The following TMOD3 variants were observed in gnomAD, a reference collection of about 807,000 sequenced individuals.
The protein encoded by TMOD3 is tropomodulin-3.
In TMOD3, 20 loss-of-function variants were observed where a neutral mutation model predicts 39.2. The observed-to-expected ratio is 0.51, with a 90% confidence interval of 0.36 to 0.74. TMOD3 has a LOEUF of 0.74. TMOD3 is among the 30% of genes least tolerant of loss of function. The pLI is 0.00. For missense variants in TMOD3, 381 were observed against 412.8 expected (o/e 0.92, Z 0.67); for synonymous variants, 143 against 145.8 (o/e 0.98, Z 0.14).
rs2056719538 is a variant in TMOD3 at position 51,913,160 on chromosome 15, A to C, written c.*4350A>C. On this transcript the variant is annotated 3_prime_UTR_variant, in exon 10 of 10. Transcript: ENST00000308580. ...GGATAACTTTTTGTATTTTTAATAG[A>C]GACGGGGTTTCACCATGTTGGCCGG... 1.3e-5 allele frequency: 2 copies of C among 151,828 alleles called. No homozygotes were observed. The highest frequency in any genetic ancestry group is 1.3e-4 in the Admixed American group (2 of 15,236). The allele number at this position is 151,828 out of a possible 1,614,324, so 9.4% of individuals were successfully genotyped here.
At chr15:51,891,818 T>C (rs920401636) in intron 5 of TMOD3, among the ~76,000 whole-genome samples, 2 of 152,228 alleles carry the variant, frequency 1.3e-5, no homozygotes, top group African/African-American at 2.4e-5. Flanking sequence ...CTCTGTTGTT[T>C]AGCAGAGCTC....
At position 51,911,701 on chromosome 15, in the gene TMOD3, TA is replaced by T. The variant is rs1451555326; in HGVS notation, c.*2892del. On this transcript the variant is annotated 3_prime_UTR_variant, in exon 10 of 10. Coordinates refer to ENST00000308580, the MANE Select transcript of TMOD3 (RefSeq NM_014547.5). Reference sequence around the variant, plus strand: ...TTATTACCCATTTTATAAAATGTTATACTCATATTTGTCTGAATTTTTCCAG... The same window carrying T: ...TTATTACCCATTTTATAAAATGTTATCTCATATTTGTCTGAATTTTTCCAG... 3.9e-5 allele frequency: 6 copies of T among 152,244 alleles called. No individual in the cohort carries two copies. Among genetic ancestry groups the T allele is most frequent in the Non-Finnish European group, 7.3e-5 (5 of 68,040 alleles). 9.4% of individuals were successfully genotyped at this position (152,244 alleles called of 1,614,324 possible).
chr15:51,833,254 G>T (rs978206748), intron 1 of TMOD3: 1 of 152,220 alleles, frequency 6.6e-6, no homozygotes, highest in Non-Finnish European at 1.5e-5. Flanking sequence ...GAATAGAAGT[G>T]TGAATAAATC....
intron 2 of TMOD3, among the ~76,000 whole-genome samples, chr15:51,866,291 C>T (rs2056445116): frequency 6.6e-6 from 1 of 151,948 alleles, no homozygotes; most frequent in South Asian, 2.1e-4. Context: ...CTTGCCTCGA[C>T]AAAAAATTTT....
At chr15:51,867,770 T>C (rs2056454396) in intron 2 of TMOD3, among the ~76,000 whole-genome samples, 1 of 152,162 alleles carries the variant, frequency 6.6e-6, no homozygotes, top group African/African-American at 2.4e-5. Context: ...TACCCAGAAA[T>C]ATGAGACAAG....
chr15:51,910,349 G>A lies in TMOD3; in HGVS notation c.*1539G>A, dbSNP rs2056703958. 6.6e-6 allele frequency: 1 copy of A among 152,258 alleles called. No individual in the cohort carries two copies. 9.4% of individuals were successfully genotyped at this position (152,258 alleles called of 1,614,324 possible). On this transcript the variant is annotated 3_prime_UTR_variant, in exon 10 of 10. Transcript: ENST00000308580. Reference sequence around the variant, plus strand: ...CAGCACTTTTGGGAAGCCAAAGTGGGTGGATCACTTAAGGTCAGGAGTTCA... The same window carrying A: ...CAGCACTTTTGGGAAGCCAAAGTGGATGGATCACTTAAGGTCAGGAGTTCA...
chr15:51,901,901 T>C lies in TMOD3; in HGVS notation c.889T>C (p.Leu297=), dbSNP rs750092214. 4 of 1,613,640 alleles carry C rather than the reference T, an allele frequency of 2.5e-6. No individual in the cohort carries two copies. Among genetic ancestry groups the C allele is most frequent in the African/African-American group, 2.7e-5 (2 of 74,904 alleles). ...ELKIDNQRQQ[L]GTAVELEMAK... Reference sequence around the variant, plus strand: ...TTTCTAATTACTCCAGAGGCAGCAGTTGGGGACAGCTGTAGAATTGGAAAT... The same window carrying C: ...TTTCTAATTACTCCAGAGGCAGCAGCTGGGGACAGCTGTAGAATTGGAAAT... The change falls in exon 9 of 10, where the codon TTG becomes CTG. Residue 297 remains leucine, a synonymous_variant. Transcript: ENST00000308580.
chr15:51,908,365 G>A (rs1449858667), intron 9 of TMOD3, among the ~76,000 whole-genome samples: 1 of 152,142 alleles, frequency 6.6e-6, no homozygotes, highest in African/African-American at 2.4e-5. Flanking sequence ...CTTGAGCTCA[G>A]GAGTCCAAGA....
At chr15:51,908,213 A>T (rs1281701762) in intron 9 of TMOD3, among the ~76,000 whole-genome samples, 1 of 152,218 alleles carries the variant, frequency 6.6e-6, no homozygotes, top group East Asian at 1.9e-4. Flanking sequence ...CCTGAATGTC[A>T]CTTCAAAATT....
intron 3 of TMOD3, among the ~76,000 whole-genome samples, chr15:51,874,867 A>G (rs1045871451): frequency 6.6e-6 from 1 of 152,102 alleles, no homozygotes; most frequent in Non-Finnish European, 1.5e-5. Context: ...CTCACCCGGT[A>G]TGGGCTCCTC....
chr15:51,847,847 C>A (rs533611496), intron 1 of TMOD3, among the ~76,000 whole-genome samples: 4 of 152,084 alleles, frequency 2.6e-5, no homozygotes, highest in Admixed American at 2.6e-4. Context: ...GTGCTTTGAG[C>A]GTGGTGGGTA....
chr15:51,854,233 C>G (rs567638553), intron 1 of TMOD3, among the ~76,000 whole-genome samples: 36 of 152,340 alleles, frequency 2.4e-4, no homozygotes, highest in Admixed American at 9.8e-4. Flanking sequence ...TGCAATCACT[C>G]AGCTCTGTCA....
At chr15:51,886,220 C>T (rs1029893706) in intron 3 of TMOD3, among the ~76,000 whole-genome samples, 26 of 146,608 alleles carry the variant, frequency 1.8e-4, no homozygotes, top group African/African-American at 5.1e-4. Context: ...ACATCCCAGA[C>T]GATGGGCAGC....
At chr15:51,863,236 T>A (rs1329304887) in intron 2 of TMOD3, among the ~76,000 whole-genome samples, 1 of 152,200 alleles carries the variant, frequency 6.6e-6, no homozygotes, top group Non-Finnish European at 1.5e-5. Flanking sequence ...TTTTCAAACA[T>A]CTCCTGAAAT....
At chr15:51,869,153 C>T (rs1426521743) in intron 2 of TMOD3, 64 bp from the exon 3 acceptor site, 1 of 1,543,846 alleles carries the variant, frequency 6.5e-7, no homozygotes, top group Non-Finnish European at 8.8e-7. Flanking sequence ...TATGGGTAAT[C>T]TTCGGAAGCA....
At chr15:51,859,068 A>G (rs1188105066) in intron 1 of TMOD3, 3 of 470,314 alleles carry the variant, frequency 6.4e-6, no homozygotes, top group Admixed American at 3.3e-5. Flanking sequence ...GTGTCTTGAA[A>G]TCAGACAGCC....
chr15:51,887,943 G>A (rs765623363), intron 4 of TMOD3, among the ~76,000 whole-genome samples: 7 of 152,124 alleles, frequency 4.6e-5, no homozygotes, highest in African/African-American at 1.7e-4. Context: ...TGTATTGTTC[G>A]ACATCTTTTC....
chr15:51,900,047 A>G (rs938689454), intron 7 of TMOD3, 108 bp from the exon 8 acceptor site: 2 of 1,074,030 alleles, frequency 1.9e-6, no homozygotes, highest in African/African-American at 1.6e-5. Flanking sequence ...TGAAACAACT[A>G]ATGACAAACA....
chr15:51,885,292 T>C (rs1020886955), intron 3 of TMOD3, among the ~76,000 whole-genome samples: 1 of 150,838 alleles, frequency 6.6e-6, no homozygotes, highest in African/African-American at 2.4e-5. Context: ...TTCTTTTTTT[T>C]TTTTTTTTTT....
Sources: allele counts gnomAD v4.1 joint callset (sites outside exome capture counted in the v4.1 genomes callset), GRCh38; gene constraint gnomAD v4.1.1; transcripts MANE v1.5; gene names NCBI Gene and HGNC (gene_info 2026-07-23, HGNC 2026-07-21).